PPIL3: variants seen among roughly 807,000 people sequenced by gnomAD.
PPIL3 encodes peptidylprolyl isomerase like 3.
In PPIL3, 13 loss-of-function variants were observed where a neutral mutation model predicts 20.9. The observed-to-expected ratio is 0.62, with a 90% CI of 0.40 to 0.99. The LOEUF (loss-of-function observed/expected upper bound fraction) is 0.99. Among genes scored for constraint, PPIL3 ranks in the 50% least tolerant of loss-of-function variants. The pLI, the probability that PPIL3 is intolerant of heterozygous loss-of-function variation, is 0.00. For synonymous variants in PPIL3, 71 were observed against 64.4 expected (o/e 1.10, Z -0.49); for missense variants, 170 against 195.2 (o/e 0.87, Z 0.77).
intron 6 of PPIL3, among the ~76,000 whole-genome samples, chr2:200,876,147 T>G (rs1323326922): frequency 4.0e-5 from 6 of 151,664 alleles, no homozygotes; most frequent in South Asian, 2.1e-4. Context: ...TTTTTTGTTT[T>G]TTTTTTTTTT....
In PPIL3 at chr2:200,889,058, G is replaced by T. The variant is rs2040095844; in HGVS notation, c.-173C>A. 1 of 470,874 alleles carries T rather than the reference G, an allele frequency of 2.1e-6. No individual in the cohort carries two copies. Among genetic ancestry groups the T allele is most frequent in the Non-Finnish European group, 4.4e-6 (1 of 227,032 alleles). The allele number at this position is 470,874 out of a possible 1,614,324, so 29.2% of individuals were successfully genotyped here. A position where few individuals can be genotyped will look rare whatever the true frequency, so the allele number is the denominator to read the frequency against. ...TTGGTTCAAAATTATAGTTTCTTTG[G>T]GCCAGCGGAAGTTGGGCGCGGGACC... On this transcript the variant is annotated 5_prime_UTR_variant, in exon 1 of 7. Transcript: ENST00000392283.
At chr2:200,885,590 T>C (rs188535591) in intron 3 of PPIL3, 108 bp downstream of exon 3, 9 of 733,962 alleles carry the variant, frequency 1.2e-5, no homozygotes, top group African/African-American at 9.0e-5. Flanking sequence ...TCCCTAACAA[T>C]GGTTTTACAG....
chr2:200,881,283 T>C, intron 5 of PPIL3, 138 bp downstream of exon 5: 2 of 654,184 alleles, frequency 3.1e-6, no homozygotes, highest in Admixed American at 3.3e-5. Context: ...CCGACATCAT[T>C]TGTCAAATGT....
At chr2:200,875,847 T>C (rs760649477) in intron 6 of PPIL3, among the ~76,000 whole-genome samples, 2 of 152,264 alleles carry the variant, frequency 1.3e-5, no homozygotes, top group South Asian at 2.1e-4. Context: ...GCACTGGGAT[T>C]ACAGGCCTGG....
intron 5 of PPIL3, among the ~76,000 whole-genome samples, chr2:200,878,777 G>A (rs960971476): frequency 6.6e-6 from 1 of 151,896 alleles, no homozygotes; most frequent in African/African-American, 2.4e-5. Flanking sequence ...TAGTCTTCTG[G>A]GAAATGCTTT....
chr2:200,881,208 A>G (rs1476698370), intron 5 of PPIL3, among the ~76,000 whole-genome samples: 5 of 152,248 alleles, frequency 3.3e-5, no homozygotes, highest in Non-Finnish European at 7.3e-5. Context: ...CTTACTATCA[A>G]GAGCCACGTG....
At chr2:200,874,544 G>A (rs2105759047) in intron 6 of PPIL3, among the ~76,000 whole-genome samples, 1 of 152,278 alleles carries the variant, frequency 6.6e-6, no homozygotes, top group Non-Finnish European at 1.5e-5. Flanking sequence ...CAACAAACAA[G>A]GAATTAATGA....
intron 1 of PPIL3, among the ~76,000 whole-genome samples, 164 bp downstream of exon 1, chr2:200,888,792 C>A (rs2040077442): frequency 6.6e-6 from 1 of 152,144 alleles, no homozygotes; most frequent in South Asian, 2.1e-4. Flanking sequence ...TCCCGAAGTG[C>A]TGGGAGGCCG....
intron 5 of PPIL3, among the ~76,000 whole-genome samples, chr2:200,879,842 C>T (rs370671964): frequency 6.6e-6 from 1 of 152,132 alleles, no homozygotes; most frequent in African/African-American, 2.4e-5. Context: ...AAACAAACAA[C>T]AAAGTTCCAC....
At chr2:200,886,429 CTTTT>C (rs1304349954) in intron 2 of PPIL3, among the ~76,000 whole-genome samples, 1 of 142,954 alleles carries the variant, frequency 7.0e-6, no homozygotes. Context: ...TTCATTTCTC[CTTTT>C]TTTTTTTTTT....
intron 3 of PPIL3, 121 bp from the exon 4 acceptor site, chr2:200,882,556 T>C: frequency 1.4e-6 from 1 of 704,728 alleles, no homozygotes; most frequent in African/African-American, 1.8e-5. Flanking sequence ...TGTCATTACT[T>C]TGGATGTCAT....
chr2:200,888,853 C>T (rs1348755183), intron 1 of PPIL3, 103 bp downstream of exon 1: 3 of 457,710 alleles, frequency 6.6e-6, no homozygotes, highest in Admixed American at 4.8e-5. Flanking sequence ...GCCTCGCCGC[C>T]CACTGTTCAC....
intron 6 of PPIL3, among the ~76,000 whole-genome samples, chr2:200,874,323 A>G (rs2039434718): frequency 6.6e-6 from 1 of 152,160 alleles, no homozygotes; most frequent in South Asian, 2.1e-4. Flanking sequence ...AAGTCTTTAA[A>G]TTATAAGTCT....
At chr2:200,880,118 G>C (rs571333124) in intron 5 of PPIL3, among the ~76,000 whole-genome samples, 1 of 152,166 alleles carries the variant, frequency 6.6e-6, no homozygotes, top group South Asian at 2.1e-4. Context: ...ATGGTGACAT[G>C]CACCTGTAGT....
intron 5 of PPIL3, 132 bp downstream of exon 5, chr2:200,881,289 A>T: frequency 1.5e-6 from 1 of 673,872 alleles, no homozygotes; most frequent in Non-Finnish European, 2.4e-6. Context: ...TCATTTGTCA[A>T]ATGTACAAAA....
At chr2:200,881,682 A>C in intron 4 of PPIL3, 194 bp from the exon 5 acceptor site, 1 of 536,530 alleles carries the variant, frequency 1.9e-6, no homozygotes, top group Non-Finnish European at 3.3e-6. Flanking sequence ...ACAAAAAAGA[A>C]TAACCCTCCT....
intron 6 of PPIL3, among the ~76,000 whole-genome samples, chr2:200,875,360 AG>A (rs2039470448): frequency 6.6e-6 from 1 of 151,690 alleles, no homozygotes; most frequent in African/African-American, 2.4e-5. Flanking sequence ...CTCCACCTCC[AG>A]GGTTCAAGCC....
In PPIL3 at chr2:200,871,388, A is replaced by G. The variant is rs2039298083; in HGVS notation, c.*7T>C. ...TTTGTCAAGTTATTTGTCCAGGTCT[A>G]TCATAGCTACTGAGCAAATGGGTTG... On this transcript the variant is annotated 3_prime_UTR_variant, in exon 7 of 7. Transcript: ENST00000392283. 3 of 1,607,578 alleles carry G rather than the reference A, an allele frequency of 1.9e-6. No individual in the cohort carries two copies. Among genetic ancestry groups the G allele is most frequent in the East Asian group, 2.2e-5 (1 of 44,770 alleles).
intron 5 of PPIL3, among the ~76,000 whole-genome samples, chr2:200,880,617 C>G (rs1453643203): frequency 6.6e-6 from 1 of 151,896 alleles, no homozygotes; most frequent in African/African-American, 2.4e-5. Flanking sequence ...AACTCTTGGC[C>G]TCAAGCAATC....
Sources: allele counts gnomAD v4.1 joint callset (sites outside exome capture counted in the v4.1 genomes callset), GRCh38; gene constraint gnomAD v4.1.1; transcripts MANE v1.5; gene names NCBI Gene and HGNC (gene_info 2026-07-23, HGNC 2026-07-21).